The following LRRC7 variants were observed in gnomAD, a reference collection of about 807,000 sequenced individuals.
The protein encoded by LRRC7 is leucine-rich repeat-containing protein 7.
A neutral mutation model predicts 175.7 loss-of-function variants in LRRC7; 23 were observed. The observed-to-expected ratio is 0.13, with a 90% confidence interval of 0.09 to 0.19. The LOEUF is 0.19. Among genes scored for constraint, LRRC7 ranks in the 10% least tolerant of loss-of-function variants. LRRC7 has a pLI of 1.00. For missense variants in LRRC7, 1,354 were observed against 1,904.7 expected (o/e 0.71, Z 5.38); for synonymous variants, 685 against 680.9 (o/e 1.01, Z -0.09).
rs143771585 is a variant in LRRC7, at chr1:70,112,600, A to G, written c.4620+4774A>G. Among the ~76,000 whole-genome samples, 446 of 152,264 alleles carry G rather than the reference A, an allele frequency of 2.9e-3. 1 individual carries two copies. The highest frequency in any genetic ancestry group is 4.4e-3 in the Admixed American group (68 of 15,296). ...GTGTGTATCCTGGGATGCAGAGAGG[A>G]TGGCCACTCACAAACAAAAGTACAA... is the stretch of plus-strand genomic sequence containing the variant. On this transcript the variant is annotated intron_variant, in intron 26 of 26. Transcript: ENST00000651989.
At chr1:69,919,600 G>C (rs543129303) in intron 7 of LRRC7, 37 of 815,612 alleles carry the variant, frequency 4.5e-5, no homozygotes, top group Non-Finnish European at 7.7e-5. Context: ...CCAAGGAGGA[G>C]GCCCTGGAGC....
At chr1:69,635,100 G>C (rs1471801145) in intron 1 of LRRC7, among the ~76,000 whole-genome samples, 2 of 151,790 alleles carry the variant, frequency 1.3e-5, no homozygotes, top group East Asian at 1.9e-4. Context: ...CCTCCAAAAG[G>C]CACCAGCGTT....
chr1:69,725,110 T>A (rs961917490), intron 2 of LRRC7, among the ~76,000 whole-genome samples: 5 of 152,114 alleles, frequency 3.3e-5, no homozygotes, highest in African/African-American at 4.8e-5. Flanking sequence ...CAGAGTATAT[T>A]AGACACTGTA....
chr1:69,793,337 C>T (rs1675341356), intron 4 of LRRC7, among the ~76,000 whole-genome samples: 1 of 152,102 alleles, frequency 6.6e-6, no homozygotes, highest in African/African-American at 2.4e-5. Context: ...ATAAGATTGG[C>T]TTGACATCCT....
At chr1:69,573,232 T>A (rs1344007846) in intron 1 of LRRC7, among the ~76,000 whole-genome samples, 1 of 152,136 alleles carries the variant, frequency 6.6e-6, no homozygotes, top group Non-Finnish European at 1.5e-5. Context: ...TGGGCCAAGA[T>A]TTAAGCCCAG....
chr1:69,825,008 G>T (rs1040250093), intron 4 of LRRC7, among the ~76,000 whole-genome samples: 1 of 152,142 alleles, frequency 6.6e-6, no homozygotes, highest in African/African-American at 2.4e-5. Flanking sequence ...TTATGGATTA[G>T]GTTTCAGCTT....
chr1:70,055,879 A>T (rs1488596225), intron 23 of LRRC7, among the ~76,000 whole-genome samples: 1 of 152,174 alleles, frequency 6.6e-6, no homozygotes, highest in African/African-American at 2.4e-5. Flanking sequence ...CATAGATCCA[A>T]TATCATGATA....
intron 2 of LRRC7, among the ~76,000 whole-genome samples, chr1:69,699,464 C>T (rs1441164338): frequency 2.0e-5 from 3 of 151,986 alleles, no homozygotes; most frequent in African/African-American, 7.2e-5. Context: ...CACTTGAACC[C>T]GGGAGGCAGA....
At chr1:69,903,586 C>T (rs1314139788) in intron 7 of LRRC7, among the ~76,000 whole-genome samples, 1 of 152,018 alleles carries the variant, frequency 6.6e-6, no homozygotes, top group African/African-American at 2.4e-5. Context: ...CCTAACATCA[C>T]AATTAAAAGA....
At chr1:69,926,274 T>C (rs1398047410) in intron 7 of LRRC7, among the ~76,000 whole-genome samples, 14 of 134,218 alleles carry the variant, frequency 1.0e-4, no homozygotes, top group Non-Finnish European at 1.5e-4. Context: ...CTGAAAAAAA[T>C]GTATATTCTG....
chr1:69,925,069 T>G (rs1557894891), intron 7 of LRRC7, among the ~76,000 whole-genome samples: 1 of 152,200 alleles, frequency 6.6e-6, no homozygotes, highest in Non-Finnish European at 1.5e-5. Flanking sequence ...ATGTGGTTTT[T>G]GTCTTTGGTT....
chr1:69,573,916 A>G (rs1460242779), intron 1 of LRRC7, among the ~76,000 whole-genome samples: 1 of 152,192 alleles, frequency 6.6e-6, no homozygotes, highest in African/African-American at 2.4e-5. Flanking sequence ...GCAGTTGTTT[A>G]CATTGTTTAA....
intron 7 of LRRC7, among the ~76,000 whole-genome samples, chr1:69,892,789 A>G (rs1645875363): frequency 6.6e-6 from 1 of 152,164 alleles, no homozygotes; most frequent in African/African-American, 2.4e-5. Context: ...ACAATTATTT[A>G]CTCAAGAACA....
rs369500271 is a variant in LRRC7, at chr1:69,845,896, A to G, written c.647+7613A>G. 3.3e-4 allele frequency among the ~76,000 whole-genome samples: 51 copies of G among 152,254 alleles called. 1 individual carries two copies. The South Asian group carries it at 0.011, about 32-fold the overall frequency. ...TATTACCTTACGCTTTTACCAATTT[A>G]TATCAATTTACAAGGTACAGTGTTT... On this transcript the variant is annotated intron_variant, in intron 7 of 26. Coordinates refer to ENST00000651989, the MANE Select transcript of LRRC7 (RefSeq NM_001370785.2).
rs1202807542 is a variant in LRRC7, at chr1:70,129,003, A to G, written c.*7116A>G. 3.9e-5 allele frequency among the ~76,000 whole-genome samples: 6 copies of G among 151,994 alleles called. No homozygotes were observed. The highest frequency in any genetic ancestry group is 7.4e-5 in the Non-Finnish European group (5 of 67,968). On this transcript the variant is annotated 3_prime_UTR_variant, in exon 27 of 27. Transcript: ENST00000651989. ...ACTTATGCCTGTAATCCCAGCACTT[A>G]GGGAGGCCGAGGCAGGTGGATCACT...
intron 1 of LRRC7, among the ~76,000 whole-genome samples, chr1:69,591,965 A>C (rs1473802225): frequency 6.6e-6 from 1 of 152,050 alleles, no homozygotes; most frequent in African/African-American, 2.4e-5. Flanking sequence ...AAAATATATT[A>C]ATCTAATTAA....
chr1:69,629,335 T>A (rs933830665), intron 1 of LRRC7, among the ~76,000 whole-genome samples: 6 of 152,176 alleles, frequency 3.9e-5, no homozygotes, highest in East Asian at 1.9e-4. Context: ...TTTAGTTGAA[T>A]AGAGATTTTG....
chr1:69,705,323 G>A (rs1663895931), intron 2 of LRRC7, among the ~76,000 whole-genome samples: 1 of 152,132 alleles, frequency 6.6e-6, no homozygotes, highest in Admixed American at 6.6e-5. Context: ...GACACTGGTA[G>A]AAGCACAGCA....
intron 7 of LRRC7, among the ~76,000 whole-genome samples, chr1:69,872,646 T>C (rs1685668242): frequency 6.6e-6 from 1 of 152,118 alleles, no homozygotes; most frequent in Admixed American, 6.6e-5. Context: ...GTTTTTAAAA[T>C]TTCCTCTCAA....
Sources: allele counts gnomAD v4.1 joint callset (sites outside exome capture counted in the v4.1 genomes callset), GRCh38; gene constraint gnomAD v4.1.1; transcripts MANE v1.5; gene names NCBI Gene and HGNC (gene_info 2026-07-23, HGNC 2026-07-21).